The following TNFRSF9 variants were observed in gnomAD, a reference collection of about 807,000 sequenced individuals.
The protein encoded by TNFRSF9 is TNF receptor superfamily member 9.
TNFRSF9 carries 16 observed loss-of-function variants against 28.8 expected under a neutral mutation model. That is an observed-to-expected ratio of 0.55 (90% CI 0.38 to 0.84). The LOEUF (loss-of-function observed/expected upper bound fraction) is 0.84, where lower values mean the gene tolerates loss of function less well. Among genes scored for constraint, TNFRSF9 ranks in the 40% least tolerant of loss-of-function variants. TNFRSF9 has a pLI of 0.00. For missense variants in TNFRSF9, 303 were observed against 315.0 expected, an observed-to-expected ratio of 0.96 and a Z score of 0.29; for synonymous variants, 131 against 117.0, an observed-to-expected ratio of 1.12 and a Z score of -0.77.
rs1639669634 is a variant in TNFRSF9, at chr1:7,927,368, T to C, written c.679+5794A>G. Among the ~76,000 whole-genome samples, 2 of 152,196 alleles carry C rather than the reference T, an allele frequency of 1.3e-5. 1 individual carries two copies. The highest frequency in any genetic ancestry group is 4.1e-4 in the South Asian group (2 of 4,834). ...GACAATCATCCCCGCTTTCTCACTA[T>C]CTCTTTTGCCTAATAAATACGGAGG... On this transcript the variant is annotated intron_variant, in intron 7 of 7. Transcript: ENST00000377507.
intron 1 of TNFRSF9, 25 bp downstream of exon 1, chr1:7,940,759 C>T (rs1022071850): frequency 1.3e-5 from 2 of 152,300 alleles, no homozygotes; most frequent in African/African-American, 2.4e-5. Flanking sequence ...TCAGTGCCCC[C>T]ACCCACTCCC....
intron 7 of TNFRSF9, among the ~76,000 whole-genome samples, chr1:7,924,592 A>G (rs1393746700): frequency 6.6e-6 from 1 of 152,054 alleles, no homozygotes; most frequent in African/African-American, 2.4e-5. Context: ...GCCCCATTGC[A>G]CTCCAGCCTG....
chr1:7,923,255 C>T (rs1050587193), intron 7 of TNFRSF9, among the ~76,000 whole-genome samples: 33 of 152,122 alleles, frequency 2.2e-4, no homozygotes, highest in Admixed American at 2.0e-4. Context: ...CAAAAAACAC[C>T]GTGGCTCCGC....
chr1:7,928,910 C>A (rs558649181), intron 7 of TNFRSF9, among the ~76,000 whole-genome samples: 217 of 151,890 alleles, frequency 1.4e-3, no homozygotes, highest in Non-Finnish European at 2.1e-3. Flanking sequence ...CAACAAAAAA[C>A]CAAAAAACAA....
At chr1:7,931,580 A>C (rs1557427825) in intron 7 of TNFRSF9, among the ~76,000 whole-genome samples, 1 of 152,256 alleles carries the variant, frequency 6.6e-6, no homozygotes, top group Non-Finnish European at 1.5e-5. Flanking sequence ...ATTAGGTAGC[A>C]AAACTACAGC....
chr1:7,917,135 T>C lies in TNFRSF9; in HGVS notation c.*3700A>G, dbSNP rs1477581043. The C allele has an allele frequency of 6.6e-6, 1 of 152,186 alleles. No homozygotes were observed. Among genetic ancestry groups the C allele is most frequent in the East Asian group, 1.9e-4 (1 of 5,190 alleles). The allele number at this position is 152,186 out of a possible 1,614,324, so 9.4% of individuals were successfully genotyped here. On this transcript the variant is annotated 3_prime_UTR_variant, in exon 8 of 8. Transcript: ENST00000377507. Reference sequence around the variant, plus strand: ...TAGTAGAGATGGGGTTTCACCATGTTGGCCAGGCTGTCTCAAAACTCCTGA... The same window carrying C: ...TAGTAGAGATGGGGTTTCACCATGTCGGCCAGGCTGTCTCAAAACTCCTGA...
Position 7,933,279 on chromosome 1 carries a change from T to C in TNFRSF9, c.562A>G (p.Ile188Val), listed in dbSNP as rs1422125870. The change falls in exon 7 of 8, where the codon ATC (isoleucine) becomes GTC (valine). Residue 188 changes from isoleucine to valine, a missense_variant. Physicochemically the swap from Ile to Val is conservative, Grantham distance 29 (BLOSUM62 3). Transcript: ENST00000377507. ...GACGTCAGCGCAAGAAAGAAGGAGA[T>C]GATCTGCGGAGAGTGTCCTGCAAAA... ...AREPGHSPQI[I>V]SFFLALTSTA... is the part of the protein sequence containing the mutation. The C allele has an allele frequency of 3.7e-6, 6 of 1,613,296 alleles. No individual in the cohort carries two copies. In the South Asian group the frequency reaches 6.6e-5, roughly 18 times the overall value.
rs1447736349 is a variant in TNFRSF9, at chr1:7,917,689, T to C, written c.*3146A>G. ...CCATATGAGAAAACAGTTATAAATT[T>C]AACCAAATCAAATGAAGAACTTTTT... On this transcript the variant is annotated 3_prime_UTR_variant, in exon 8 of 8. Coordinates refer to ENST00000377507, the MANE Select transcript of TNFRSF9 (RefSeq NM_001561.6). The C allele has an allele frequency of 1.3e-5, 2 of 152,094 alleles. No individual in the cohort carries two copies. Among genetic ancestry groups the C allele is most frequent in the East Asian group, 3.9e-4 (2 of 5,188 alleles). The allele number at this position is 152,094 out of a possible 1,614,324, so 9.4% of individuals were successfully genotyped here. A position where few individuals can be genotyped will look rare whatever the true frequency, so the allele number is the denominator to read the frequency against.
rs1639543624 is a variant in TNFRSF9, at chr1:7,920,670, C to A, written c.*165G>T. The stretch of plus-strand genomic sequence containing the variant: ...TGTCAAAAAAAAAAAAAAAGTGGTG[C>A]ATTTTTAAAGGCCAACTCATTGGCA... On this transcript the variant is annotated 3_prime_UTR_variant, in exon 8 of 8. Coordinates refer to ENST00000377507, the MANE Select transcript of TNFRSF9 (RefSeq NM_001561.6). 2 of 565,550 alleles carry A rather than the reference C, an allele frequency of 3.5e-6. No homozygotes were observed. Among genetic ancestry groups the A allele is most frequent in the East Asian group, 3.1e-5 (1 of 32,320 alleles). 35.0% of individuals were successfully genotyped at this position (565,550 alleles called of 1,614,324 possible). A position where few individuals can be genotyped will look rare whatever the true frequency, so the allele number is the denominator to read the frequency against.
Position 7,938,717 on chromosome 1 carries a change from A to T in TNFRSF9, c.208+4T>A. ...AGAAGAAGAAAATATCTTTGAACTC[A>T]TACCTTTACACTGCCTGCATATGTC... is the stretch of plus-strand genomic sequence containing the variant. On this transcript the variant is annotated splice_donor_region_variant and intron_variant, in intron 3 of 7. Transcript: ENST00000377507. 6.3e-7 allele frequency: 1 copy of T among 1,596,576 alleles called. No homozygotes were observed. The highest frequency in any genetic ancestry group is 1.1e-5 in the South Asian group (1 of 89,084).
intron 4 of TNFRSF9, 71 bp from the exon 5 acceptor site, chr1:7,937,827 A>G: frequency 7.4e-7 from 1 of 1,349,250 alleles, no homozygotes; most frequent in Non-Finnish European, 1.1e-6. Context: ...CCTGTGATGA[A>G]CTTAATATAA....
intron 4 of TNFRSF9, 24 bp downstream of exon 4, chr1:7,938,169 T>C: frequency 6.4e-7 from 1 of 1,556,254 alleles, no homozygotes; most frequent in South Asian, 1.2e-5. Flanking sequence ...AAAACTACAC[T>C]AGATCAAAGA....
At chr1:7,933,996 G>A (rs1445593466) in intron 6 of TNFRSF9, among the ~76,000 whole-genome samples, 1 of 151,334 alleles carries the variant, frequency 6.6e-6, no homozygotes, top group Non-Finnish European at 1.5e-5. Context: ...CAGCCTGGGT[G>A]ACAGAGAGAG....
In TNFRSF9 at chr1:7,919,508, T is replaced by A. The variant is rs1203589357; in HGVS notation, c.*1327A>T. On this transcript the variant is annotated 3_prime_UTR_variant, in exon 8 of 8. Coordinates refer to ENST00000377507, the MANE Select transcript of TNFRSF9 (RefSeq NM_001561.6). ...AGTGAGACACTGTCTCAAAAAAAAA[T>A]AAAATGAATAAAATTTAAAAAGCTA... 2.6e-5 allele frequency: 4 copies of A among 151,612 alleles called. No individual in the cohort carries two copies. The Middle Eastern group carries it at 0.01, about 387-fold the overall frequency. The allele number at this position is 151,612 out of a possible 1,614,324, so 9.4% of individuals were successfully genotyped here.
chr1:7,932,086 G>A (rs1269584352), intron 7 of TNFRSF9, among the ~76,000 whole-genome samples: 5 of 152,142 alleles, frequency 3.3e-5, no homozygotes, highest in African/African-American at 1.2e-4. Context: ...GCGGTAAGCC[G>A]GGATCACGCC....
In TNFRSF9 at chr1:7,937,722, A is replaced by G; in HGVS notation, c.381T>C (p.Asp127=). 1 of 1,613,838 alleles carries G rather than the reference A, an allele frequency of 6.2e-7. No individual in the cohort carries two copies. The highest frequency in any genetic ancestry group is 2.2e-5 in the East Asian group (1 of 44,878). ...CKDCCFGTFN[D]QKRGICRPWT... is the part of the protein sequence containing the mutation. Reference sequence around the variant, plus strand: ...AGGGTCGACAGATGCCACGTTTCTGATCGTTAAATGTCCCAAAGCAACAGT... The same window carrying G: ...AGGGTCGACAGATGCCACGTTTCTGGTCGTTAAATGTCCCAAAGCAACAGT... The change falls in exon 5 of 8, where the codon GAT becomes GAC. Residue 127 remains aspartate, a synonymous_variant. Coordinates refer to ENST00000377507, the MANE Select transcript of TNFRSF9 (RefSeq NM_001561.6).
chr1:7,935,423 G>A (rs142175825), intron 5 of TNFRSF9, among the ~76,000 whole-genome samples: 14 of 152,214 alleles, frequency 9.2e-5, no homozygotes, highest in South Asian at 2.1e-4. Flanking sequence ...GACCATCTCC[G>A]GCACAGATGA....
At chr1:7,926,057 C>T (rs1639647006) in intron 7 of TNFRSF9, among the ~76,000 whole-genome samples, 3 of 152,160 alleles carry the variant, frequency 2.0e-5, no homozygotes, top group Admixed American at 1.3e-4. Context: ...TGCGCCACCA[C>T]ACCCGGCTAA....
rs536465405 is a variant in TNFRSF9 at position 7,930,073 on chromosome 1, G to A, written c.679+3089C>T. Among the ~76,000 whole-genome samples the A allele has an allele frequency of 8.1e-5, 12 of 147,494 alleles. No individual in the cohort carries two copies. The South Asian group carries it at 2.4e-3, about 29-fold the overall frequency. ...CAACCTCCACCTCCCGGGTTCAAGC[G>A]ATTCTCCTGTCTCAGCCTCCTGAGT... On this transcript the variant is annotated intron_variant, in intron 7 of 7. Coordinates refer to ENST00000377507, the MANE Select transcript of TNFRSF9 (RefSeq NM_001561.6).
Sources: allele counts gnomAD v4.1 joint callset (sites outside exome capture counted in the v4.1 genomes callset), GRCh38; gene constraint gnomAD v4.1.1; transcripts MANE v1.5; gene names NCBI Gene and HGNC (gene_info 2026-07-23, HGNC 2026-07-21).